SLC16A1: variants seen among roughly 807,000 people sequenced by gnomAD.
SLC16A1 encodes the protein monocarboxylate transporter 1.
Under a neutral mutation model 32.2 loss-of-function variants are expected in SLC16A1, and 11 were observed. The ratio of observed to expected loss-of-function variants is 0.34; its 90% CI spans 0.21 to 0.56. The LOEUF is 0.56. SLC16A1 is among the 20% of genes least tolerant of loss of function. The pLI, the probability that SLC16A1 is intolerant of heterozygous loss-of-function variation, is 0.87. For synonymous variants in SLC16A1, 231 were observed against 226.8 expected, an observed-to-expected ratio of 1.02 and a Z score of -0.17; for missense variants, 435 against 615.0, an observed-to-expected ratio of 0.71 and a Z score of 3.10.
intron 4 of SLC16A1, among the ~76,000 whole-genome samples, chr1:112,916,375 G>A (rs2101620200): frequency 6.6e-6 from 1 of 151,228 alleles, no homozygotes; most frequent in East Asian, 1.9e-4. Context: ...GTGGGCGCCT[G>A]TAATCACAGC....
intron 1 of SLC16A1, among the ~76,000 whole-genome samples, chr1:112,931,742 G>GA (rs759612382): frequency 1.5e-4 from 23 of 150,102 alleles, no homozygotes; most frequent in Admixed American, 4.0e-4. Flanking sequence ...AGCATGGTTA[G>GA]AAAATGTAAC....
In SLC16A1 at chr1:112,925,523, T is replaced by G. The variant is rs994828344; in HGVS notation, c.218-3390A>C. Among the ~76,000 whole-genome samples the G allele has an allele frequency of 2.6e-5, 4 of 152,114 alleles. No individual in the cohort carries two copies. In the South Asian group the frequency reaches 6.2e-4, roughly 24 times the overall value. On this transcript the variant is annotated intron_variant, in intron 2 of 4. Coordinates refer to ENST00000369626, the MANE Select transcript of SLC16A1 (RefSeq NM_003051.4). Reference sequence around the variant, plus strand: ...CCTCCCGAGTAGCTGGGACTTCAGGTGCATGCCACCGTGCCGGGCTAATTT... The same window carrying G: ...CCTCCCGAGTAGCTGGGACTTCAGGGGCATGCCACCGTGCCGGGCTAATTT...
chr1:112,942,945 T>C (rs533558670), intron 1 of SLC16A1, among the ~76,000 whole-genome samples: 13 of 152,258 alleles, frequency 8.5e-5, no homozygotes, highest in African/African-American at 2.9e-4. Flanking sequence ...GATATACATA[T>C]ATGCACGCAC....
chr1:112,914,715 T>C (rs2101618791), intron 4 of SLC16A1, among the ~76,000 whole-genome samples: 1 of 152,368 alleles, frequency 6.6e-6, no homozygotes, highest in East Asian at 1.9e-4. Context: ...AGATGTTAGC[T>C]AATTTGTCCA....
intron 1 of SLC16A1, among the ~76,000 whole-genome samples, chr1:112,942,743 A>T (rs1464068996): frequency 2.0e-5 from 3 of 152,220 alleles, no homozygotes; most frequent in African/African-American, 7.2e-5. Flanking sequence ...TTGATATATA[A>T]TTCCAATTAA....
rs752493155 is a variant in SLC16A1 at position 112,913,965 on chromosome 1, C to G, written c.1429G>C (p.Val477Leu). Residue 477 changes from valine to leucine, a missense_variant, in exon 5 of 5, where the codon GTT (valine) becomes CTT (leucine). This residue lies in a region of SLC16A1 where 111 missense variants were observed against 114.7 expected (regional missense o/e 0.97). Transcript: ENST00000369626. ...TCCGGAGATTCTGCTGCTTTGGTAACTTCATTTGGCTTCCCAGCAACATCT... is the reference window on the plus strand; with the variant it reads ...TCCGGAGATTCTGCTGCTTTGGTAAGTTCATTTGGCTTCCCAGCAACATCT... ...SIDVAGKPNEVTKAAESPDQK... is the reference protein window; with the variant it reads ...SIDVAGKPNELTKAAESPDQK... 6.2e-7 allele frequency: 1 copy of G among 1,614,058 alleles called. No individual in the cohort carries two copies. Among genetic ancestry groups the G allele is most frequent in the Non-Finnish European group, 8.5e-7 (1 of 1,180,040 alleles).
intron 2 of SLC16A1, chr1:112,924,480 C>T (rs1437028789): frequency 1.4e-6 from 1 of 709,832 alleles, no homozygotes; most frequent in Admixed American, 2.4e-5. Context: ...AAAGTCACCA[C>T]CAAATGAAGA....
At position 112,916,989 on chromosome 1, in the gene SLC16A1, G is replaced by A; in HGVS notation, c.1228+189C>T. 3 of 763,522 alleles carry A rather than the reference G, an allele frequency of 3.9e-6. No homozygotes were observed. The East Asian group carries it at 8.1e-5, about 21-fold the overall frequency. 47.3% of individuals were successfully genotyped at this position (763,522 alleles called of 1,614,324 possible). Reference sequence around the variant, plus strand: ...ATTTGATCCCCCTTTTGCCTTGATGGTTCCATTTAATTAGATTCTATATTT... The same window carrying A: ...ATTTGATCCCCCTTTTGCCTTGATGATTCCATTTAATTAGATTCTATATTT... On this transcript the variant is annotated intron_variant, in intron 4 of 4. Coordinates refer to ENST00000369626, the MANE Select transcript of SLC16A1 (RefSeq NM_003051.4).
At chr1:112,922,335 C>A (rs1648765533) in intron 2 of SLC16A1, 2 of 598,030 alleles carry the variant, frequency 3.3e-6, no homozygotes. Context: ...GGTTCTAAAT[C>A]TAAAAATACT....
At chr1:112,925,861 T>A (rs187889981) in intron 2 of SLC16A1, among the ~76,000 whole-genome samples, 1 of 152,230 alleles carries the variant, frequency 6.6e-6, no homozygotes, top group Non-Finnish European at 1.5e-5. Context: ...CCATAAATAC[T>A]ATGAAAAATA....
At chr1:112,931,975 T>G (rs1649146513) in intron 1 of SLC16A1, among the ~76,000 whole-genome samples, 1 of 152,200 alleles carries the variant, frequency 6.6e-6, no homozygotes. Flanking sequence ...CACTCTTGAC[T>G]ACCATGTTCT....
chr1:112,945,844 T>C (rs772781137), intron 1 of SLC16A1, among the ~76,000 whole-genome samples: 4 of 151,418 alleles, frequency 2.6e-5, no homozygotes, highest in Non-Finnish European at 2.9e-5. Flanking sequence ...AATACAAAAT[T>C]AGCCAGGCAT....
chr1:112,944,086 G>A (rs1273332750), intron 1 of SLC16A1, among the ~76,000 whole-genome samples: 1 of 152,168 alleles, frequency 6.6e-6, no homozygotes. Flanking sequence ...GGTTGAGAAG[G>A]GGAGTTAATA....
intron 4 of SLC16A1, among the ~76,000 whole-genome samples, chr1:112,915,273 T>C (rs1343260224): frequency 6.6e-6 from 1 of 152,128 alleles, no homozygotes; most frequent in Non-Finnish European, 1.5e-5. Context: ...CCTTAAAGTG[T>C]CAACTTAGCT....
At chr1:112,949,682 T>C (rs1649820422) in intron 1 of SLC16A1, among the ~76,000 whole-genome samples, 1 of 152,060 alleles carries the variant, frequency 6.6e-6, no homozygotes, top group African/African-American at 2.4e-5. Flanking sequence ...AATAATGTTT[T>C]CTTTTTTTAA....
chr1:112,919,657 TAGAG>T (rs1260321926), intron 3 of SLC16A1, among the ~76,000 whole-genome samples: 1 of 152,226 alleles, frequency 6.6e-6, no homozygotes, highest in Non-Finnish European at 1.5e-5. Context: ...TTTAAATTAA[TAGAG>T]AGAAATTATT....
intron 1 of SLC16A1, among the ~76,000 whole-genome samples, chr1:112,936,787 A>G (rs1338850803): frequency 6.6e-6 from 1 of 152,180 alleles, no homozygotes; most frequent in African/African-American, 2.4e-5. Context: ...CTCAAGAGGT[A>G]ATTTTTAGCT....
chr1:112,931,596 G>T (rs1254212197), intron 1 of SLC16A1, among the ~76,000 whole-genome samples: 2 of 138,832 alleles, frequency 1.4e-5, no homozygotes, highest in South Asian at 2.3e-4. Flanking sequence ...AGTGAGCCGG[G>T]ATCATGCCAC....
intron 3 of SLC16A1, 87 bp from the exon 4 acceptor site, chr1:112,918,131 G>T (rs1648586147): frequency 9.9e-7 from 1 of 1,010,738 alleles, no homozygotes; most frequent in Non-Finnish European, 1.2e-6. Context: ...GGAAGGAATA[G>T]GATATAAATC....
Sources: allele counts gnomAD v4.1 joint callset (sites outside exome capture counted in the v4.1 genomes callset), GRCh38; gene constraint gnomAD v4.1.1; regional missense constraint gnomAD v4.1.1; transcripts MANE v1.5; gene names NCBI Gene and HGNC (gene_info 2026-07-23, HGNC 2026-07-21).